Variants in RUNDC3B observed in about 807,000 individuals in gnomAD.
The protein encoded by RUNDC3B is RUN domain-containing protein 3B.
RUNDC3B carries 33 observed loss-of-function variants against 58.4 expected under a neutral mutation model. That is an observed-to-expected ratio of 0.56 (90% CI 0.43 to 0.75). RUNDC3B has a LOEUF of 0.75. Ranked by LOEUF, RUNDC3B falls within the 30% of genes least tolerant of loss-of-function variation. The pLI, the probability that RUNDC3B is intolerant of heterozygous loss-of-function variation, is 0.00. For synonymous variants in RUNDC3B, 193 were observed against 195.2 expected, an observed-to-expected ratio of 0.99 and a Z score of 0.10; for missense variants, 501 against 535.7, an observed-to-expected ratio of 0.94 and a Z score of 0.64.
chr7:87,765,142 TG>T (rs767267419), intron 6 of RUNDC3B, among the ~76,000 whole-genome samples: 26 of 152,060 alleles, frequency 1.7e-4, no homozygotes, highest in Admixed American at 5.2e-4. Context: ...TCAGCTGTAA[TG>T]TAACCGTTAT....
chr7:87,766,610 T>C (rs150723040), intron 6 of RUNDC3B, among the ~76,000 whole-genome samples: 1 of 152,170 alleles, frequency 6.6e-6, no homozygotes, highest in African/African-American at 2.4e-5. Context: ...CTGAGAAGTC[T>C]GTTGTTAATC....
chr7:87,671,126 T>C (rs562953769), intron 2 of RUNDC3B, among the ~76,000 whole-genome samples: 1 of 152,312 alleles, frequency 6.6e-6, no homozygotes, highest in Admixed American at 6.5e-5. Context: ...ATGGAGGGTC[T>C]GTACTGTGGC....
intron 2 of RUNDC3B, among the ~76,000 whole-genome samples, chr7:87,685,642 A>G (rs1406520298): frequency 1.3e-5 from 2 of 152,214 alleles, no homozygotes; most frequent in African/African-American, 2.4e-5. Flanking sequence ...CTGTAGTATC[A>G]GAGAACAGAT....
intron 3 of RUNDC3B, 46 bp from the exon 4 acceptor site, chr7:87,710,524 A>AT: frequency 3.3e-6 from 4 of 1,206,636 alleles, no homozygotes; most frequent in East Asian, 2.5e-5. Flanking sequence ...GTGGCAAAAT[A>AT]TTTTTTTAAT....
At chr7:87,668,032 T>C (rs1585047416) in intron 2 of RUNDC3B, among the ~76,000 whole-genome samples, 2 of 150,746 alleles carry the variant, frequency 1.3e-5, no homozygotes, top group East Asian at 3.9e-4. Flanking sequence ...CTCTTCCTCA[T>C]TTTTTTGGAA....
intron 8 of RUNDC3B, among the ~76,000 whole-genome samples, chr7:87,800,564 A>G (rs1275756920): frequency 6.6e-6 from 1 of 151,956 alleles, no homozygotes; most frequent in African/African-American, 2.4e-5. Flanking sequence ...TTGAGGAACC[A>G]CCATGCAGTT....
At chr7:87,787,049 G>T (rs1428189153) in intron 8 of RUNDC3B, among the ~76,000 whole-genome samples, 1 of 152,040 alleles carries the variant, frequency 6.6e-6, no homozygotes, top group Non-Finnish European at 1.5e-5. Flanking sequence ...TTTTAGATAG[G>T]CATAAGGCAT....
intron 4 of RUNDC3B, among the ~76,000 whole-genome samples, chr7:87,729,158 T>C (rs929619154): frequency 6.6e-6 from 1 of 151,676 alleles, no homozygotes; most frequent in Non-Finnish European, 1.5e-5. Flanking sequence ...ATATAATAAC[T>C]GAGGAAAGTG....
chr7:87,634,790 AGAACTTT>A (rs1821598213), intron 1 of RUNDC3B, among the ~76,000 whole-genome samples: 1 of 152,228 alleles, frequency 6.6e-6, no homozygotes, highest in Non-Finnish European at 1.5e-5. Flanking sequence ...TATATGTAGT[AGAACTTT>A]GAGTTTGAGT....
At chr7:87,716,910 C>A (rs565362430) in intron 4 of RUNDC3B, among the ~76,000 whole-genome samples, 1 of 152,186 alleles carries the variant, frequency 6.6e-6, no homozygotes, top group Non-Finnish European at 1.5e-5. Context: ...AGTCATGGCT[C>A]ACTATAGCCT....
intron 8 of RUNDC3B, among the ~76,000 whole-genome samples, chr7:87,805,371 G>C (rs1584250561): frequency 6.6e-6 from 1 of 152,166 alleles, no homozygotes; most frequent in African/African-American, 2.4e-5. Context: ...CAAGTGCCAG[G>C]ATTTGTTGTC....
rs543537778 is a variant in RUNDC3B at position 87,718,243 on chromosome 7, T to G, written c.458+7588T>G. Among the ~76,000 whole-genome samples, 9 of 152,248 alleles carry G rather than the reference T, an allele frequency of 5.9e-5. No homozygotes were observed. The East Asian group carries it at 1.5e-3, about 26-fold the overall frequency. The stretch of plus-strand genomic sequence containing the variant: ...GTGGAATCATATGGGCTGTGCTTAA[T>G]TCCCTCAGCAACAACTTTGGACAAC... On this transcript the variant is annotated intron_variant, in intron 4 of 10. Transcript: ENST00000394654.
At chr7:87,821,445 T>C (rs1458279701) in intron 10 of RUNDC3B, among the ~76,000 whole-genome samples, 1 of 152,072 alleles carries the variant, frequency 6.6e-6, no homozygotes, top group African/African-American at 2.4e-5. Flanking sequence ...GAGTCAATAT[T>C]GTGAAAATGG....
chr7:87,823,719 C>T (rs938169610), intron 10 of RUNDC3B, among the ~76,000 whole-genome samples: 1 of 151,906 alleles, frequency 6.6e-6, no homozygotes, highest in Non-Finnish European at 1.5e-5. Context: ...AGTCTCTAAT[C>T]TCATCCAGGT....
chr7:87,809,253 A>T (rs1163584008), intron 9 of RUNDC3B, among the ~76,000 whole-genome samples: 1 of 152,082 alleles, frequency 6.6e-6, no homozygotes, highest in Non-Finnish European at 1.5e-5. Context: ...CCAACTTAAG[A>T]AGGGGCATCC....
chr7:87,768,604 C>T (rs937710104), intron 6 of RUNDC3B, among the ~76,000 whole-genome samples: 9 of 152,206 alleles, frequency 5.9e-5, no homozygotes, highest in Admixed American at 5.9e-4. Flanking sequence ...TTTGCAGGGG[C>T]AGAGGGGCTC....
chr7:87,786,963 T>C (rs1282671421), intron 8 of RUNDC3B, among the ~76,000 whole-genome samples: 1 of 152,166 alleles, frequency 6.6e-6, no homozygotes, highest in African/African-American at 2.4e-5. Context: ...AAAATAATTA[T>C]GGCCACTGAT....
chr7:87,819,395 T>G (rs947333333), intron 10 of RUNDC3B, among the ~76,000 whole-genome samples: 1 of 152,064 alleles, frequency 6.6e-6, no homozygotes, highest in Admixed American at 6.6e-5. Context: ...AGCAAGTCCT[T>G]AGTGACCTAC....
intron 2 of RUNDC3B, among the ~76,000 whole-genome samples, chr7:87,673,431 T>G (rs1826025491): frequency 6.6e-6 from 1 of 152,234 alleles, no homozygotes; most frequent in African/African-American, 2.4e-5. Context: ...TATTCTTTTT[T>G]CTTTTTCTGA....
Sources: gnomAD v4.1 joint callset for allele counts (sites outside exome capture counted in the v4.1 genomes callset) on GRCh38, gnomAD v4.1.1 for gene constraint, MANE v1.5 for transcripts, NCBI Gene and HGNC (gene_info 2026-07-23, HGNC 2026-07-21) for gene names.